Variants in FOXN3 observed in about 807,000 individuals in gnomAD.
FOXN3 encodes forkhead box protein N3.
In FOXN3, 7 loss-of-function variants were observed where a neutral mutation model predicts 38.4. That is an observed-to-expected ratio of 0.18 (90% CI 0.10 to 0.34). The LOEUF (loss-of-function observed/expected upper bound fraction) is 0.34. FOXN3 is among the 10% of genes least tolerant of loss of function. FOXN3 has a pLI of 1.00. For synonymous variants in FOXN3, 230 were observed against 242.2 expected, an observed-to-expected ratio of 0.95 and a Z score of 0.47; for missense variants, 456 against 613.4, an observed-to-expected ratio of 0.74 and a Z score of 2.71.
intron 4 of FOXN3, among the ~76,000 whole-genome samples, chr14:89,249,946 G>A (rs1388106378): frequency 6.6e-6 from 1 of 152,180 alleles, no homozygotes; most frequent in African/African-American, 2.4e-5. Context: ...TTTGGACACA[G>A]CCATATCCAT....
At chr14:89,577,852 T>C (rs1248384612) in intron 1 of FOXN3, among the ~76,000 whole-genome samples, 1 of 152,198 alleles carries the variant, frequency 6.6e-6, no homozygotes, top group East Asian at 1.9e-4. Context: ...CGGTGATTAA[T>C]AAAAACCTGA....
chr14:89,186,144 A>G lies in FOXN3; in HGVS notation c.746-5338T>C, dbSNP rs142236088. On this transcript the variant is annotated intron_variant, in intron 4 of 5. Transcript: ENST00000557258. ...GATTCCGCTAATCCTTCCCTTTCCT[A>G]AAGTCAGCCTTTCCACCTGCTTACT... 4.8e-3 allele frequency among the ~76,000 whole-genome samples: 738 copies of G among 152,194 alleles called. 3 individuals are homozygous for G. Among genetic ancestry groups the G allele is most frequent in the Non-Finnish European group, 7.6e-3 (516 of 68,000 alleles).
chr14:89,551,863 A>G (rs1760106520), intron 1 of FOXN3, among the ~76,000 whole-genome samples: 1 of 152,124 alleles, frequency 6.6e-6, no homozygotes, highest in Non-Finnish European at 1.5e-5. Flanking sequence ...AGACATCAGA[A>G]CTGCTTCCCA....
intron 4 of FOXN3, among the ~76,000 whole-genome samples, chr14:89,275,086 C>T (rs753450579): frequency 6.6e-6 from 1 of 152,230 alleles, no homozygotes; most frequent in Non-Finnish European, 1.5e-5. Flanking sequence ...CTCCAGGAGA[C>T]AAGCATTGTC....
intron 4 of FOXN3, among the ~76,000 whole-genome samples, chr14:89,267,485 A>G (rs763031931): frequency 6.6e-6 from 1 of 152,178 alleles, no homozygotes; most frequent in Non-Finnish European, 1.5e-5. Flanking sequence ...TGGAAGGACA[A>G]GTGAGGTAGC....
intron 2 of FOXN3, among the ~76,000 whole-genome samples, chr14:89,383,204 A>C (rs563101973): frequency 6.6e-6 from 1 of 152,182 alleles, no homozygotes; most frequent in South Asian, 2.1e-4. Flanking sequence ...ATTAATTGGG[A>C]AAATGAGCTT....
chr14:89,373,524 T>C (rs1028475374), intron 2 of FOXN3, among the ~76,000 whole-genome samples: 1 of 152,180 alleles, frequency 6.6e-6, no homozygotes, highest in Non-Finnish European at 1.5e-5. Flanking sequence ...CTTAACTCTT[T>C]TCTGTAGCTT....
chr14:89,529,858 T>G (rs2139834140), intron 1 of FOXN3, among the ~76,000 whole-genome samples: 1 of 152,154 alleles, frequency 6.6e-6, no homozygotes, highest in South Asian at 2.1e-4. Context: ...CAGCGAGCTA[T>G]GAGTGCACCA....
intron 2 of FOXN3, among the ~76,000 whole-genome samples, chr14:89,374,936 C>G (rs1328136665): frequency 6.7e-6 from 1 of 149,320 alleles, no homozygotes; most frequent in African/African-American, 2.5e-5. Flanking sequence ...GAGATCACAC[C>G]ATTGCACTCC....
chr14:89,504,526 G>T (rs1307661949), intron 1 of FOXN3, among the ~76,000 whole-genome samples: 1 of 152,012 alleles, frequency 6.6e-6, no homozygotes, highest in Non-Finnish European at 1.5e-5. Context: ...GTAGAGCTGT[G>T]CTCTTCCCAG....
At chr14:89,538,998 C>T (rs1894744132) in intron 1 of FOXN3, among the ~76,000 whole-genome samples, 1 of 152,014 alleles carries the variant, frequency 6.6e-6, no homozygotes, top group Admixed American at 6.6e-5. Context: ...CGCCCGCCAC[C>T]ACGTCTGGCT....
intron 1 of FOXN3, among the ~76,000 whole-genome samples, chr14:89,519,995 T>C (rs1894285307): frequency 1.3e-5 from 2 of 149,504 alleles, no homozygotes; most frequent in Admixed American, 1.4e-4. Flanking sequence ...TCTGGGTTTT[T>C]CTTTTCTTTT....
intron 3 of FOXN3, among the ~76,000 whole-genome samples, chr14:89,341,745 G>A (rs796815557): frequency 1.9e-4 from 29 of 152,168 alleles, no homozygotes; most frequent in African/African-American, 7.0e-4. Context: ...GTACACGGTT[G>A]ATTTCATGCA....
chr14:89,511,248 TTTC>T (rs1566681272), intron 1 of FOXN3, among the ~76,000 whole-genome samples: 1,241 of 8,288 alleles, frequency 0.15, 317 homozygotes, highest in Middle Eastern at 0.25. Context: ...TTTTCTTTCT[TTTC>T]TTTCTTTCTT....
At chr14:89,619,094 G>C (rs1378599559) in exon 1 of FOXN3, 1 of 152,066 alleles carries the variant, frequency 6.6e-6, no homozygotes, top group Non-Finnish European at 1.5e-5. Context: ...CGCTGGACTC[G>C]CGGGTGGCCC....
chr14:89,221,594 A>G (rs1282170654), intron 4 of FOXN3, among the ~76,000 whole-genome samples: 1 of 152,176 alleles, frequency 6.6e-6, no homozygotes, highest in Non-Finnish European at 1.5e-5. Flanking sequence ...AGTCATAAAG[A>G]ACTTGATTTT....
chr14:89,381,704 A>T (rs552246837), intron 2 of FOXN3, among the ~76,000 whole-genome samples: 141 of 152,070 alleles, frequency 9.3e-4, no homozygotes, highest in Non-Finnish European at 1.3e-3. Flanking sequence ...TGAAAAAATT[A>T]AAAAAATTAG....
At chr14:89,344,473 C>A (rs1888708955) in intron 3 of FOXN3, among the ~76,000 whole-genome samples, 1 of 152,160 alleles carries the variant, frequency 6.6e-6, no homozygotes, top group Non-Finnish European at 1.5e-5. Flanking sequence ...AACCTGTTCT[C>A]CAACCATGGT....
intron 2 of FOXN3, among the ~76,000 whole-genome samples, chr14:89,353,139 T>G (rs1253058622): frequency 6.6e-6 from 1 of 152,164 alleles, no homozygotes; most frequent in African/African-American, 2.4e-5. Context: ...ACACAGACGT[T>G]TCCTGAGTGG....
Sources: gnomAD v4.1 joint callset for allele counts (sites outside exome capture counted in the v4.1 genomes callset) on GRCh38, gnomAD v4.1.1 for gene constraint, MANE v1.5 for transcripts, NCBI Gene and HGNC (gene_info 2026-07-23, HGNC 2026-07-21) for gene names.